The following CASR variants were observed in gnomAD, a reference collection of about 807,000 sequenced individuals.
CASR encodes the protein extracellular calcium-sensing receptor.
CASR carries 23 observed loss-of-function variants against 69.1 expected under a neutral mutation model. The ratio of observed to expected loss-of-function variants is 0.33; its 90% CI spans 0.24 to 0.47. The LOEUF (loss-of-function observed/expected upper bound fraction) is 0.47. Among genes scored for constraint, CASR ranks in the 20% least tolerant of loss-of-function variants. The pLI, the probability that CASR is intolerant of heterozygous loss-of-function variation, is 1.00. For synonymous variants in CASR, 541 were observed against 544.7 expected (o/e 0.99, Z 0.10); for missense variants, 924 against 1,356.1 (o/e 0.68, Z 5.00).
intron 1 of CASR, among the ~76,000 whole-genome samples, chr3:122,187,828 G>C (rs966767792): frequency 6.6e-6 from 1 of 152,166 alleles, no homozygotes; most frequent in Non-Finnish European, 1.5e-5. Context: ...GAAGCATAAG[G>C]AGCCAAGAGG....
chr3:122,285,265 A>C lies in CASR; in HGVS notation c.*74A>C, dbSNP rs2074956879. On this transcript the variant is annotated 3_prime_UTR_variant, in exon 7 of 7. Coordinates refer to ENST00000639785, the MANE Select transcript of CASR (RefSeq NM_000388.4). ...GGTCCCAGGGAAGAGGAATCGCCCC[A>C]GACTCCTTTCCTCTGAGGAAGAAGG... 1.5e-6 allele frequency: 2 copies of C among 1,350,578 alleles called. No individual in the cohort carries two copies. The highest frequency in any genetic ancestry group is 1.1e-6 in the Non-Finnish European group (1 of 944,318). The allele number at this position is 1,350,578 out of a possible 1,614,324, so 83.7% of individuals were successfully genotyped here.
intron 4 of CASR, among the ~76,000 whole-genome samples, chr3:122,271,932 T>A (rs183163661): frequency 6.6e-6 from 1 of 152,342 alleles, no homozygotes; most frequent in East Asian, 1.9e-4. Context: ...TACAGCCAAA[T>A]AGTATCCCAT....
intron 1 of CASR, among the ~76,000 whole-genome samples, chr3:122,214,776 C>T (rs987365621): frequency 2.0e-5 from 3 of 152,150 alleles, no homozygotes; most frequent in Non-Finnish European, 2.9e-5. Context: ...GACCATGTCC[C>T]CTAACTGGAC....
Position 122,285,738 on chromosome 3 carries a change from T to G in CASR, c.*547T>G. 1 of 173,372 alleles carries G rather than the reference T, an allele frequency of 5.8e-6. No individual in the cohort carries two copies. Among genetic ancestry groups the G allele is most frequent in the Non-Finnish European group, 1.3e-5 (1 of 78,830 alleles). 10.7% of individuals were successfully genotyped at this position (173,372 alleles called of 1,614,324 possible). On this transcript the variant is annotated 3_prime_UTR_variant, in exon 7 of 7. Transcript: ENST00000639785. ...TGCTATTATGTAACATCCAGAAGGT[T>G]TGCACCCCTCCTATACCATATGTCT...
intron 1 of CASR, among the ~76,000 whole-genome samples, chr3:122,231,606 C>T (rs2074278862): frequency 6.6e-6 from 1 of 152,166 alleles, no homozygotes; most frequent in Non-Finnish European, 1.5e-5. Context: ...CTCTATCTCT[C>T]TGTAATCTCG....
intron 1 of CASR, among the ~76,000 whole-genome samples, chr3:122,207,837 G>C (rs2074022733): frequency 1.3e-5 from 2 of 152,092 alleles, no homozygotes; most frequent in South Asian, 4.1e-4. Flanking sequence ...TGCTGAGAAG[G>C]AAGTAAATAA....
chr3:122,219,377 A>T (rs768373118), intron 1 of CASR, among the ~76,000 whole-genome samples: 38 of 152,202 alleles, frequency 2.5e-4, no homozygotes, highest in Non-Finnish European at 4.1e-4. Flanking sequence ...AAGTGGTGGC[A>T]TGATTCCGTT....
At chr3:122,251,173 G>A (rs7647446) in intron 1 of CASR, among the ~76,000 whole-genome samples, 25,481 of 152,098 alleles carry the variant, frequency 0.17, 2,225 homozygotes, top group Non-Finnish European at 0.18. Context: ...TGGAGGAGAA[G>A]GTGGAATTCC....
In CASR at chr3:122,285,352, C is replaced by T; in HGVS notation, c.*161C>T. On this transcript the variant is annotated 3_prime_UTR_variant, in exon 7 of 7. Coordinates refer to ENST00000639785, the MANE Select transcript of CASR (RefSeq NM_000388.4). ...ACCATCTTAAATGACAGTGAATTGA[C>T]CCATGTTCCCTTTAAAATTAAAAAA... is the stretch of plus-strand genomic sequence containing the variant. 3.1e-6 allele frequency: 2 copies of T among 636,626 alleles called. No individual in the cohort carries two copies. The highest frequency in any genetic ancestry group is 2.9e-5 in the Admixed American group (1 of 34,378). The allele number at this position is 636,626 out of a possible 1,614,324, so 39.4% of individuals were successfully genotyped here.
chr3:122,273,480 A>G (rs2074781859), intron 4 of CASR, among the ~76,000 whole-genome samples: 2 of 152,228 alleles, frequency 1.3e-5, no homozygotes, highest in South Asian at 4.1e-4. Context: ...GTAGTTTCCT[A>G]CCTCTTCACT....
At chr3:122,230,252 G>A (rs1348950633) in intron 1 of CASR, among the ~76,000 whole-genome samples, 1 of 152,246 alleles carries the variant, frequency 6.6e-6, no homozygotes, top group Non-Finnish European at 1.5e-5. Context: ...GACCAGTAAA[G>A]CAAAGGCAGC....
chr3:122,256,971 GCC>G (rs2074561137), intron 2 of CASR, 108 bp from the exon 3 acceptor site: 6 of 903,402 alleles, frequency 6.6e-6, no homozygotes, highest in Non-Finnish European at 1.1e-5. Flanking sequence ...ATGCCATGAA[GCC>G]AGAGAGTAGT....
intron 1 of CASR, among the ~76,000 whole-genome samples, chr3:122,201,630 G>A (rs1014283724): frequency 8.3e-5 from 11 of 132,108 alleles, no homozygotes; most frequent in Non-Finnish European, 1.1e-4. Flanking sequence ...GGGCGGGGGC[G>A]ACCCCCCACC....
chr3:122,240,039 T>C (rs1022735744), intron 1 of CASR, among the ~76,000 whole-genome samples: 2 of 152,020 alleles, frequency 1.3e-5, no homozygotes, highest in African/African-American at 2.4e-5. Flanking sequence ...AACAAGAAGG[T>C]AATAGAACAT....
chr3:122,211,660 A>G (rs1449996871), intron 1 of CASR, among the ~76,000 whole-genome samples: 2 of 152,192 alleles, frequency 1.3e-5, no homozygotes, highest in East Asian at 1.9e-4. Context: ...GTAAGCCTAG[A>G]TCGTGCCACT....
chr3:122,245,702 T>C (rs987607295), intron 1 of CASR, among the ~76,000 whole-genome samples: 5 of 152,140 alleles, frequency 3.3e-5, no homozygotes, highest in African/African-American at 9.6e-5. Flanking sequence ...ACTATGGGTG[T>C]TTTTTGTTTT....
In CASR at chr3:122,285,179, A is replaced by G; in HGVS notation, c.3225A>G (p.Val1075=). The change falls in exon 7 of 7, where the codon GTA becomes GTG. Residue 1075 remains valine, a synonymous_variant. Transcript: ENST00000639785. ...GAGGCAGCACTGTTACAGAAAACGTAGTGAATTCATAAAATGGAAGGAGAA... is the reference window on the plus strand; with the variant it reads ...GAGGCAGCACTGTTACAGAAAACGTGGTGAATTCATAAAATGGAAGGAGAA... ...SGGGSTVTEN[V]VNS is the part of the protein sequence containing the mutation. 1 of 1,614,056 alleles carries G rather than the reference A, an allele frequency of 6.2e-7. No homozygotes were observed. The highest frequency in any genetic ancestry group is 8.5e-7 in the Non-Finnish European group (1 of 1,179,984).
Position 122,286,071 on chromosome 3 carries a change from C to A in CASR, c.*880C>A, listed in dbSNP as rs569642735. 2 of 152,798 alleles carry A rather than the reference C, an allele frequency of 1.3e-5. No individual in the cohort carries two copies. Among genetic ancestry groups the A allele is most frequent in the East Asian group, 3.9e-4 (2 of 5,188 alleles). 9.5% of individuals were successfully genotyped at this position (152,798 alleles called of 1,614,324 possible). A position where few individuals can be genotyped will look rare whatever the true frequency, so the allele number is the denominator to read the frequency against. On this transcript the variant is annotated 3_prime_UTR_variant, in exon 7 of 7. Coordinates refer to ENST00000639785, the MANE Select transcript of CASR (RefSeq NM_000388.4). ...GGGACTCAAGGGTCCAGAAGTCCCT[C>A]CCATCTCTACCCCAAAGAATTCCTG...
intron 1 of CASR, among the ~76,000 whole-genome samples, chr3:122,192,512 T>A (rs2073849150): frequency 6.6e-6 from 1 of 152,234 alleles, no homozygotes; most frequent in South Asian, 2.1e-4. Context: ...TCAATGTTAA[T>A]CCCTTTCCAC....
Sources: gnomAD v4.1 joint callset for allele counts (sites outside exome capture counted in the v4.1 genomes callset) on GRCh38, gnomAD v4.1.1 for gene constraint, MANE v1.5 for transcripts, NCBI Gene and HGNC (gene_info 2026-07-23, HGNC 2026-07-21) for gene names.